The following NCOA2 variants were observed in gnomAD, a reference collection of about 807,000 sequenced individuals.
NCOA2 encodes the protein class E basic helix-loop-helix protein 75.
NCOA2 carries 21 observed loss-of-function variants against 145.1 expected under a neutral mutation model. The observed-to-expected ratio is 0.14, with a 90% CI of 0.10 to 0.21. The LOEUF is 0.21. NCOA2 is among the 10% of genes least tolerant of loss of function. The pLI is 1.00. For synonymous variants in NCOA2, 619 were observed against 637.5 expected (o/e 0.97, Z 0.44); for missense variants, 1,472 against 1,837.6 (o/e 0.80, Z 3.64).
At chr8:70,332,256 A>G (rs572664924) in intron 1 of NCOA2, among the ~76,000 whole-genome samples, 1 of 152,280 alleles carries the variant, frequency 6.6e-6, no homozygotes, top group South Asian at 2.1e-4. Context: ...AAGCAACTAC[A>G]TTTGTGTTTG....
chr8:70,194,128 G>C (rs574662966), intron 4 of NCOA2, among the ~76,000 whole-genome samples: 2 of 152,216 alleles, frequency 1.3e-5, no homozygotes, highest in Admixed American at 1.3e-4. Context: ...ATGTTGAATT[G>C]GGGTTTCCTT....
chr8:70,372,663 T>C (rs912034112), intron 1 of NCOA2, among the ~76,000 whole-genome samples: 3 of 152,210 alleles, frequency 2.0e-5, no homozygotes, highest in Admixed American at 6.5e-5. Context: ...CTGATGTGTA[T>C]AAATGTGTAA....
chr8:70,247,158 ATGGCC>A (rs1353032348), intron 2 of NCOA2, among the ~76,000 whole-genome samples: 2 of 152,188 alleles, frequency 1.3e-5, no homozygotes, highest in African/African-American at 4.8e-5. Context: ...GAAGGGAACC[ATGGCC>A]ACTCTGGAAG....
rs1434124016 is a variant in NCOA2, at chr8:70,156,770, C to T, written c.1595G>A (p.Ser532Asn). Residue 532 changes from serine (S) to asparagine (N), a missense_variant, in exon 11 of 23, where the codon AGC becomes AAC. Ser to Asn is a conservative substitution (Grantham distance 46, BLOSUM62 1). Transcript: ENST00000452400. ...STGNSHSYTN[S>N]SLNALQALSE... ...GAGGGCCTGAAGTGCATTGAGGGAG[C>T]TGTTGGTATAACTATGGCTATTTCC... 3 of 1,613,852 alleles carry T rather than the reference C, an allele frequency of 1.9e-6. No homozygotes were observed. In the Admixed American group the frequency reaches 5.0e-5, roughly 27 times the overall value.
At chr8:70,337,200 A>AGTGTGTGTGTGTGTGTGT (rs72265721) in intron 1 of NCOA2, among the ~76,000 whole-genome samples, 7 of 146,226 alleles carry the variant, frequency 4.8e-5, no homozygotes, top group African/African-American at 1.7e-4. Flanking sequence ...ACTGCTGAGG[A>AGTGTGTGTGTGTGTGTGT]GTGTGTGTGT....
chr8:70,371,063 G>A (rs966921572), intron 1 of NCOA2, among the ~76,000 whole-genome samples: 10 of 152,070 alleles, frequency 6.6e-5, no homozygotes, highest in Non-Finnish European at 4.4e-5. Flanking sequence ...CGAGTCGGGC[G>A]GATCACGAGG....
chr8:70,263,399 GAA>G (rs1824302063), intron 2 of NCOA2, among the ~76,000 whole-genome samples: 3 of 151,848 alleles, frequency 2.0e-5, no homozygotes, highest in Non-Finnish European at 4.4e-5. Flanking sequence ...GCAGATAACT[GAA>G]ACCACGTATA....
chr8:70,236,552 G>A (rs911815362), intron 2 of NCOA2, among the ~76,000 whole-genome samples: 2 of 151,912 alleles, frequency 1.3e-5, no homozygotes, highest in African/African-American at 4.8e-5. Context: ...AGCTCACATT[G>A]ACTCTTCCTC....
chr8:70,186,736 T>C (rs1816120053), intron 4 of NCOA2, among the ~76,000 whole-genome samples: 3 of 152,246 alleles, frequency 2.0e-5, no homozygotes, highest in African/African-American at 7.2e-5. Flanking sequence ...ATGCTCACTG[T>C]ATTGAGAGTA....
chr8:70,271,941 C>T (rs1048284379), intron 2 of NCOA2, among the ~76,000 whole-genome samples: 10 of 152,024 alleles, frequency 6.6e-5, no homozygotes, highest in Non-Finnish European at 1.2e-4. Context: ...ATAGGAAAAA[C>T]TGTACAGATA....
chr8:70,136,225 T>C (rs1311045301), intron 15 of NCOA2, among the ~76,000 whole-genome samples: 2 of 151,776 alleles, frequency 1.3e-5, no homozygotes, highest in Non-Finnish European at 2.9e-5. Flanking sequence ...AATACAAAAA[T>C]TAGCTGGGCA....
At chr8:70,140,961 T>C (rs1464513204) in intron 14 of NCOA2, among the ~76,000 whole-genome samples, 1 of 152,132 alleles carries the variant, frequency 6.6e-6, no homozygotes, top group Non-Finnish European at 1.5e-5. Context: ...TTAGGTAATT[T>C]AGTAAAAATA....
chr8:70,224,052 T>C lies in NCOA2; in HGVS notation c.-19-7288A>G, dbSNP rs148336863. Among the ~76,000 whole-genome samples the C allele has an allele frequency of 6.0e-4, 92 of 152,344 alleles. 2 individuals are homozygous for C. The Middle Eastern group carries it at 0.01, about 17-fold the overall frequency. ...ATCATGTATCCATTTATTCAATATA[T>C]AACTAATGCTCCAGGCACTGCTGCA... On this transcript the variant is annotated intron_variant, in intron 2 of 22. Transcript: ENST00000452400.
At chr8:70,187,343 G>A (rs1816188791) in intron 4 of NCOA2, among the ~76,000 whole-genome samples, 1 of 152,046 alleles carries the variant, frequency 6.6e-6, no homozygotes, top group Non-Finnish European at 1.5e-5. Context: ...ATTTAATTCT[G>A]CAGCAAATTT....
At chr8:70,441,720 A>G in the NCOA2 span, among the ~76,000 whole-genome samples, 1 of 151,220 alleles carries the variant, frequency 6.6e-6, no homozygotes, top group South Asian at 2.1e-4. Flanking sequence ...AAAGAAAGGA[A>G]AGAAAGAAGA....
intron 2 of NCOA2, among the ~76,000 whole-genome samples, chr8:70,226,304 G>T (rs977871717): frequency 6.6e-6 from 1 of 152,000 alleles, no homozygotes; most frequent in African/African-American, 2.4e-5. Flanking sequence ...AGAAGAAAAG[G>T]AATGAAATAA....
chr8:70,415,813 G>A, the NCOA2 span, among the ~76,000 whole-genome samples: 39 of 152,150 alleles, frequency 2.6e-4, no homozygotes, highest in East Asian at 5.2e-3. Context: ...ACTCATTTAC[G>A]GTAGCATTGT....
At chr8:70,413,167 A>G in the NCOA2 span, among the ~76,000 whole-genome samples, 2 of 152,050 alleles carry the variant, frequency 1.3e-5, no homozygotes, top group African/African-American at 4.8e-5. Context: ...TGAATGCATA[A>G]TCAATGAGAC....
chr8:70,148,209 T>A (rs1811321571), intron 12 of NCOA2, 64 bp downstream of exon 12: 2 of 1,509,472 alleles, frequency 1.3e-6, no homozygotes, highest in Non-Finnish European at 1.8e-6. Flanking sequence ...ACTTCAATAA[T>A]CCCTGTTTCT....
Sources: allele counts gnomAD v4.1 joint callset (sites outside exome capture counted in the v4.1 genomes callset), GRCh38; gene constraint gnomAD v4.1.1; transcripts MANE v1.5; gene names NCBI Gene and HGNC (gene_info 2026-07-23, HGNC 2026-07-21).